Variants in PIWIL2 observed in about 807,000 individuals in gnomAD.
PIWIL2 encodes piwi like RNA-mediated gene silencing 2, also known as piwi-like protein 2.
PIWIL2 carries 81 observed loss-of-function variants against 116.5 expected under a neutral mutation model. The observed-to-expected ratio is 0.70, with a 90% CI of 0.58 to 0.84. The LOEUF (loss-of-function observed/expected upper bound fraction) is 0.84. Among genes scored for constraint, PIWIL2 ranks in the 40% least tolerant of loss-of-function variants. The pLI, the probability that PIWIL2 is intolerant of heterozygous loss-of-function variation, is 0.00. For missense variants in PIWIL2, 1,272 were observed against 1,212.3 expected (o/e 1.05, Z -0.73); for synonymous variants, 489 against 429.5 (o/e 1.14, Z -1.71).
At chr8:22,314,884 CTAGAAT>C in intron 17 of PIWIL2, 139 bp from the exon 18 acceptor site, 1 of 635,192 alleles carries the variant, frequency 1.6e-6, no homozygotes, top group South Asian at 2.0e-5. Context: ...CCTAGAAACC[CTAGAAT>C]TAGAATTATT....
chr8:22,285,450 C>T (rs533353091), intron 6 of PIWIL2, among the ~76,000 whole-genome samples: 1 of 152,262 alleles, frequency 6.6e-6, no homozygotes, highest in South Asian at 2.1e-4. Flanking sequence ...ATGTATACCA[C>T]TTTATCCATT....
intron 20 of PIWIL2, among the ~76,000 whole-genome samples, chr8:22,324,579 C>T (rs965628311): frequency 7.9e-5 from 12 of 152,150 alleles, no homozygotes; most frequent in African/African-American, 2.7e-4. Context: ...TACAGTTCAC[C>T]CCCATCAGGT....
In PIWIL2 at chr8:22,306,033, T is replaced by A. The variant is rs1333964689; in HGVS notation, c.1545+17T>A. ...GCCATGAAGGTTGGAGTCCTGTGTT[T>A]TCAGCCGGAAATGCCCACTTTGTGA... is the stretch of plus-strand genomic sequence containing the variant. On this transcript the variant is annotated intron_variant, in intron 13 of 22. Coordinates refer to ENST00000356766, the MANE Select transcript of PIWIL2 (RefSeq NM_018068.5). 2 of 1,584,048 alleles carry A rather than the reference T, an allele frequency of 1.3e-6. No individual in the cohort carries two copies. The highest frequency in any genetic ancestry group is 1.7e-6 in the Non-Finnish European group (2 of 1,152,788).
chr8:22,352,763 C>G (rs948715844), intron 20 of PIWIL2, 196 bp from the exon 21 acceptor site: 2 of 511,848 alleles, frequency 3.9e-6, no homozygotes, highest in African/African-American at 3.8e-5. Flanking sequence ...CTGCACCAGG[C>G]GTGTTTTACT....
intron 20 of PIWIL2, among the ~76,000 whole-genome samples, chr8:22,329,045 ATAG>A (rs1257809614): frequency 6.6e-6 from 1 of 151,738 alleles, no homozygotes. Context: ...CTTTTTCCTG[ATAG>A]TAGAGGCAAA....
intron 10 of PIWIL2, among the ~76,000 whole-genome samples, chr8:22,294,954 C>T (rs115545353): frequency 0.012 from 1,655 of 143,912 alleles, 31 homozygotes; most frequent in African/African-American, 0.04. Context: ...TGGCGCAGGG[C>T]TGTAGTCCCA....
In PIWIL2 at chr8:22,324,261, C is replaced by CA. The variant is rs565823673; in HGVS notation, c.2403+5994dup. ...TGGGCGACAAAGCAAGACTTTGTCT[C>CA]AAAAAAAAGGAATATTGGATTTTGC... On this transcript the variant is annotated intron_variant, in intron 20 of 22. Coordinates refer to ENST00000356766, the MANE Select transcript of PIWIL2 (RefSeq NM_018068.5). Among the ~76,000 whole-genome samples the CA allele has an allele frequency of 8.5e-4, 129 of 151,464 alleles. 1 individual carries two copies. Among genetic ancestry groups the CA allele is most frequent in the African/African-American group, 3.0e-3 (123 of 41,372 alleles).
At chr8:22,295,078 G>A (rs1830865530) in intron 10 of PIWIL2, among the ~76,000 whole-genome samples, 1 of 151,330 alleles carries the variant, frequency 6.6e-6, no homozygotes, top group East Asian at 1.9e-4. Context: ...GACTTCGTCT[G>A]GGGGAAAAAA....
In PIWIL2 at chr8:22,304,877, G is replaced by A; in HGVS notation, c.1455+9G>A. The A allele has an allele frequency of 1.9e-6, 3 of 1,557,822 alleles. No homozygotes were observed. Among genetic ancestry groups the A allele is most frequent in the Non-Finnish European group, 2.7e-6 (3 of 1,128,984 alleles). On this transcript the variant is annotated intron_variant, in intron 12 of 22. Coordinates refer to ENST00000356766, the MANE Select transcript of PIWIL2 (RefSeq NM_018068.5). ...AGGATAATCATGGGATGGTGAGTAG[G>A]GCTGTCAGGCTTACAATTCCAGCTT...
chr8:22,311,223 C>G lies in PIWIL2; in HGVS notation c.1912C>G (p.Pro638Ala). 1 of 1,614,122 alleles carries G rather than the reference C, an allele frequency of 6.2e-7. No individual in the cohort carries two copies. The highest frequency in any genetic ancestry group is 8.5e-7 in the Non-Finnish European group (1 of 1,180,004). Residue 638 changes from proline (P) to alanine (A), a missense_variant, in exon 16 of 23, where the codon CCA becomes GCA. Coordinates refer to ENST00000356766, the MANE Select transcript of PIWIL2 (RefSeq NM_018068.5). ...IAGPIGMRMS[P>A]PAWVELKDDR... ...CGGCCCCATTGGCATGCGTATGAGC[C>G]CACCGGCCTGGGTTGAACTAAAGGA...
At chr8:22,339,522 C>A (rs534342709) in intron 20 of PIWIL2, among the ~76,000 whole-genome samples, 1 of 151,850 alleles carries the variant, frequency 6.6e-6, no homozygotes. Flanking sequence ...AAAAACTATG[C>A]AACTGTAGAC....
At position 22,340,480 on chromosome 8, in the gene PIWIL2, T is replaced by A. The variant is rs1054688344; in HGVS notation, c.2404-12479T>A. ...AGGGTCTTTGTAGATGTAATCAAAT[T>A]AAGATGAGGTAAGACCAGATTAGAG... On this transcript the variant is annotated intron_variant, in intron 20 of 22. Coordinates refer to ENST00000356766, the MANE Select transcript of PIWIL2 (RefSeq NM_018068.5). 9.6e-4 allele frequency among the ~76,000 whole-genome samples: 146 copies of A among 151,690 alleles called. 1 individual carries two copies. The highest frequency in any genetic ancestry group is 3.5e-3 in the African/African-American group (143 of 41,050).
chr8:22,278,692 G>A (rs1830432197), intron 1 of PIWIL2, among the ~76,000 whole-genome samples: 1 of 152,248 alleles, frequency 6.6e-6, no homozygotes, highest in African/African-American at 2.4e-5. Context: ...GGGCTGCACA[G>A]CAGGAGGTGA....
rs1367656010 is a variant in PIWIL2, at chr8:22,301,007, C to CA, written c.1182-3013dup. Among the ~76,000 whole-genome samples the CA allele has an allele frequency of 3.3e-5, 5 of 150,398 alleles. No individual in the cohort carries two copies. The South Asian group carries it at 8.4e-4, about 25-fold the overall frequency. On this transcript the variant is annotated intron_variant, in intron 10 of 22. Transcript: ENST00000356766. ...TAAAGGTGACTTTTTTTTTTTGAGA[C>CA]AGAGTCTTGCTCTGTTGGCTGGAGC...
At chr8:22,306,225 A>G (rs1470059476) in intron 13 of PIWIL2, among the ~76,000 whole-genome samples, 1 of 152,224 alleles carries the variant, frequency 6.6e-6, no homozygotes, top group Admixed American at 6.5e-5. Flanking sequence ...GCATATCAGA[A>G]CTTCCTTTTG....
At chr8:22,281,660 C>T (rs1284558488) in intron 4 of PIWIL2, 145 bp downstream of exon 4, 2 of 657,434 alleles carry the variant, frequency 3.0e-6, no homozygotes, top group Non-Finnish European at 4.7e-6. Flanking sequence ...CAAGAGTAGT[C>T]AGCAGCTGTT....
rs375297605 is a variant in PIWIL2 at position 22,349,409 on chromosome 8, ATGTG to A, written c.2404-3542_2404-3539del. On this transcript the variant is annotated intron_variant, in intron 20 of 22. Coordinates refer to ENST00000356766, the MANE Select transcript of PIWIL2 (RefSeq NM_018068.5). ...CGGTCTCAACTTTTGTGTACAATAT[ATGTG>A]TGTGTGTATATATATATATATATAT... Among the ~76,000 whole-genome samples, 74 of 137,298 alleles carry A rather than the reference ATGTG, an allele frequency of 5.4e-4. 1 individual carries two copies. Among genetic ancestry groups the A allele is most frequent in the South Asian group, 1.7e-3 (7 of 4,210 alleles). The allele number at this position is 137,298 out of a possible 152,430, so 90.1% of individuals were successfully genotyped here.
At chr8:22,320,463 G>C (rs968025975) in intron 20 of PIWIL2, among the ~76,000 whole-genome samples, 2 of 151,382 alleles carry the variant, frequency 1.3e-5, no homozygotes, top group African/African-American at 4.9e-5. Context: ...GTAGAGACGG[G>C]GTTTTGCCAT....
At chr8:22,349,723 G>A (rs990047683) in intron 20 of PIWIL2, among the ~76,000 whole-genome samples, 1 of 152,106 alleles carries the variant, frequency 6.6e-6, no homozygotes, top group Non-Finnish European at 1.5e-5. Context: ...GGTAACTTGA[G>A]CAGAATAGAA....
Sources: allele counts gnomAD v4.1 joint callset (sites outside exome capture counted in the v4.1 genomes callset), GRCh38; gene constraint gnomAD v4.1.1; transcripts MANE v1.5; gene names NCBI Gene and HGNC (gene_info 2026-07-23, HGNC 2026-07-21).